Variants in SORCS1 observed in about 807,000 individuals in gnomAD.
SORCS1 encodes the protein VPS10 domain-containing receptor SorCS1.
A neutral mutation model predicts 146.1 loss-of-function variants in SORCS1; 60 were observed. The ratio of observed to expected loss-of-function variants is 0.41; its 90% confidence interval spans 0.33 to 0.51. SORCS1 has a LOEUF of 0.51. SORCS1 is among the 20% of genes least tolerant of loss of function. The pLI is 0.21. For synonymous variants in SORCS1, 637 were observed against 584.0 expected (o/e 1.09, Z -1.31); for missense variants, 1,352 against 1,487.6 (o/e 0.91, Z 1.50).
intron 1 of SORCS1, among the ~76,000 whole-genome samples, chr10:107,134,800 C>T (rs1030767154): frequency 1.3e-5 from 2 of 152,238 alleles, no homozygotes; most frequent in East Asian, 1.9e-4. Flanking sequence ...AATGGGAGTA[C>T]AACAATCAAA....
At chr10:106,689,296 C>A (rs2135648577) in intron 9 of SORCS1, among the ~76,000 whole-genome samples, 1 of 151,926 alleles carries the variant, frequency 6.6e-6, no homozygotes, top group African/African-American at 2.4e-5. Context: ...CATATTTTAC[C>A]CTGCTTGCAA....
At chr10:106,806,382 A>AT (rs1947173763) in intron 3 of SORCS1, among the ~76,000 whole-genome samples, 1 of 134,050 alleles carries the variant, frequency 7.5e-6, no homozygotes, top group Admixed American at 7.7e-5. Context: ...ATAAAATAAA[A>AT]TAAAAATAAA....
chr10:107,107,759 T>C (rs1408618423), intron 1 of SORCS1, among the ~76,000 whole-genome samples: 2 of 152,202 alleles, frequency 1.3e-5, no homozygotes, highest in African/African-American at 4.8e-5. Flanking sequence ...GCAGACTTGG[T>C]GATCATGGTT....
At chr10:107,180,284 T>A in the SORCS1 span, among the ~76,000 whole-genome samples, 1 of 152,226 alleles carries the variant, frequency 6.6e-6, no homozygotes, top group South Asian at 2.1e-4. Context: ...TGCCTAATCC[T>A]GGAGTCCCAA....
At chr10:107,003,879 T>C (rs1275490253) in intron 1 of SORCS1, among the ~76,000 whole-genome samples, 1 of 152,084 alleles carries the variant, frequency 6.6e-6, no homozygotes, top group Non-Finnish European at 1.5e-5. Context: ...AATCCCTTTT[T>C]AAAGCAGAGA....
intron 1 of SORCS1, among the ~76,000 whole-genome samples, chr10:107,108,091 T>G (rs1323824168): frequency 6.6e-6 from 1 of 152,050 alleles, no homozygotes; most frequent in Non-Finnish European, 1.5e-5. Flanking sequence ...GCACTAAAAC[T>G]CAGCTACAAC....
chr10:107,057,384 C>T (rs953164931), intron 1 of SORCS1, among the ~76,000 whole-genome samples: 1 of 152,162 alleles, frequency 6.6e-6, no homozygotes, highest in South Asian at 2.1e-4. Flanking sequence ...AGATAAAGCC[C>T]TGTTCTTTAT....
intron 1 of SORCS1, among the ~76,000 whole-genome samples, chr10:107,124,856 G>T (rs1966611331): frequency 1.3e-5 from 2 of 151,886 alleles, no homozygotes; most frequent in African/African-American, 2.4e-5. Flanking sequence ...TCAAGGAAGT[G>T]TCAGCCTTTT....
In SORCS1 at chr10:106,895,229, A is replaced by T. The variant is rs187422242; in HGVS notation, c.626+61284T>A. On this transcript the variant is annotated intron_variant, in intron 2 of 25. Transcript: ENST00000263054. ...GAATTCCTAGGAAATGATATGAAACAGCTGTGCTAGAGGTCCTCACTTACC... is the reference window on the plus strand; with the variant it reads ...GAATTCCTAGGAAATGATATGAAACTGCTGTGCTAGAGGTCCTCACTTACC... 1.7e-3 allele frequency among the ~76,000 whole-genome samples: 260 copies of T among 152,332 alleles called. 2 individuals carry two copies. Among genetic ancestry groups the T allele is most frequent in the African/African-American group, 5.8e-3 (240 of 41,584 alleles).
intron 4 of SORCS1, among the ~76,000 whole-genome samples, chr10:106,772,884 G>A (rs1032991390): frequency 6.6e-5 from 10 of 152,034 alleles, no homozygotes; most frequent in East Asian, 5.8e-4. Flanking sequence ...CCTGCAGGCC[G>A]GAGCTCCAAA....
At chr10:106,969,122 G>A (rs1222992662) in intron 1 of SORCS1, among the ~76,000 whole-genome samples, 1 of 152,174 alleles carries the variant, frequency 6.6e-6, no homozygotes, top group Non-Finnish European at 1.5e-5. Context: ...CTTTCTGTTA[G>A]GGAAAAATCC....
At chr10:107,077,920 TA>T (rs974525042) in intron 1 of SORCS1, among the ~76,000 whole-genome samples, 2 of 152,134 alleles carry the variant, frequency 1.3e-5, no homozygotes, top group Non-Finnish European at 2.9e-5. Context: ...GGTGAGAATT[TA>T]AAAAATCAGG....
chr10:106,770,875 T>C (rs146410290), intron 4 of SORCS1, among the ~76,000 whole-genome samples: 1 of 152,222 alleles, frequency 6.6e-6, no homozygotes, highest in African/African-American at 2.4e-5. Flanking sequence ...CTTGCCTGTT[T>C]GTATAGGAAC....
intron 2 of SORCS1, among the ~76,000 whole-genome samples, chr10:106,893,134 C>A (rs1951304037): frequency 6.6e-6 from 1 of 151,896 alleles, no homozygotes; most frequent in African/African-American, 2.4e-5. Context: ...AACTCCTGAC[C>A]TCAGGTGATC....
intron 6 of SORCS1, among the ~76,000 whole-genome samples, chr10:106,727,719 A>C (rs186955338): frequency 1.5e-3 from 229 of 152,362 alleles, no homozygotes; most frequent in African/African-American, 5.0e-3. Flanking sequence ...AGTTTACGAG[A>C]GGCTTTTCTA....
chr10:107,102,243 A>G (rs1964976887), intron 1 of SORCS1, among the ~76,000 whole-genome samples: 1 of 152,156 alleles, frequency 6.6e-6, no homozygotes, highest in Non-Finnish European at 1.5e-5. Context: ...ATTGATTTAG[A>G]CACTGTGGAG....
intron 1 of SORCS1, among the ~76,000 whole-genome samples, chr10:107,093,440 CGAG>C (rs1283862547): frequency 1.3e-5 from 2 of 152,024 alleles, no homozygotes; most frequent in Non-Finnish European, 2.9e-5. Flanking sequence ...TTTGGGAGGC[CGAG>C]GAGGGCAGAT....
intron 2 of SORCS1, among the ~76,000 whole-genome samples, chr10:106,878,644 ATATATT>A (rs1950691943): frequency 1.4e-5 from 2 of 139,716 alleles, no homozygotes; most frequent in South Asian, 2.3e-4. Flanking sequence ...ATATATATAT[ATATATT>A]TTATAGCAGC....
chr10:106,952,586 A>G (rs1169485266), intron 2 of SORCS1, among the ~76,000 whole-genome samples: 2 of 147,438 alleles, frequency 1.4e-5, no homozygotes, highest in Non-Finnish European at 1.5e-5. Context: ...ACTATGTTAT[A>G]TTATATATTA....
Sources: gnomAD v4.1 joint callset for allele counts (sites outside exome capture counted in the v4.1 genomes callset) on GRCh38, gnomAD v4.1.1 for gene constraint, MANE v1.5 for transcripts, NCBI Gene and HGNC (gene_info 2026-07-23, HGNC 2026-07-21) for gene names.